B3GALNT2: variants seen among roughly 807,000 people sequenced by gnomAD.
B3GALNT2 encodes the protein beta-1,3-N-acetylgalactosaminyltransferase 2.
Under a neutral mutation model 61.1 loss-of-function variants are expected in B3GALNT2, and 53 were observed. That is an observed-to-expected ratio of 0.87 (90% CI 0.70 to 1.09). B3GALNT2 has a LOEUF of 1.09. B3GALNT2 is among the 50% of genes least tolerant of loss of function. The probability of loss-of-function intolerance (pLI) is 0.00; values close to 1 mark genes in which losing one functional copy is unlikely to be tolerated. For synonymous variants in B3GALNT2, 223 were observed against 237.4 expected, an observed-to-expected ratio of 0.94 and a Z score of 0.56; for missense variants, 544 against 623.0, an observed-to-expected ratio of 0.87 and a Z score of 1.35.
intron 6 of B3GALNT2, among the ~76,000 whole-genome samples, chr1:235,468,900 CT>C (rs1683854462): frequency 6.6e-6 from 1 of 152,060 alleles, no homozygotes; most frequent in Non-Finnish European, 1.5e-5. Context: ...TTTCATAAGA[CT>C]TAAAATGAAC....
At chr1:235,443,987 C>G (rs1019204633), downstream of B3GALNT2, among the ~76,000 whole-genome samples, 3 of 152,086 alleles carry the variant, frequency 2.0e-5, no homozygotes, top group African/African-American at 7.2e-5. Context: ...TAGCTAAATG[C>G]TAAAATATAA....
At chr1:235,488,509 C>T (rs1406356149) in intron 3 of B3GALNT2, among the ~76,000 whole-genome samples, 2 of 151,468 alleles carry the variant, frequency 1.3e-5, no homozygotes, top group South Asian at 2.1e-4. Context: ...CAGTGAAACC[C>T]CATCTCTACT....
chr1:235,498,493 T>C (rs141498323), intron 1 of B3GALNT2, among the ~76,000 whole-genome samples: 18 of 152,270 alleles, frequency 1.2e-4, no homozygotes, highest in African/African-American at 3.6e-4. Context: ...TCTTAAATGA[T>C]TGTAACTAAA....
intron 7 of B3GALNT2, among the ~76,000 whole-genome samples, chr1:235,461,517 T>TTG (rs1683432094): frequency 7.5e-6 from 1 of 134,060 alleles, no homozygotes; most frequent in Non-Finnish European, 1.6e-5. Context: ...GTTTTTTTTT[T>TTG]TTTTTTTTTT....
At position 235,499,556 on chromosome 1, in the gene B3GALNT2, C is replaced by T. The variant is rs142933602; in HGVS notation, c.112+4585G>A. The stretch of plus-strand genomic sequence containing the variant: ...TCCCAAGCAAGCTCCCTGAGGGCAA[C>T]GTAAGGGCCAAGGGAAAGTTTTCCC... On this transcript the variant is annotated intron_variant, in intron 1 of 11. Transcript: ENST00000366600. Among the ~76,000 whole-genome samples, 921 of 152,186 alleles carry T rather than the reference C, an allele frequency of 6.1e-3. 5 individuals carry two copies. Among genetic ancestry groups the T allele is most frequent in the Middle Eastern group, 0.027 (8 of 294 alleles).
chr1:235,478,347 G>C (rs1410798900), intron 5 of B3GALNT2, among the ~76,000 whole-genome samples: 1 of 152,112 alleles, frequency 6.6e-6, no homozygotes. Flanking sequence ...CACTGAGCCC[G>C]ACCTGAACCA....
rs1475443682 is a variant in B3GALNT2, at chr1:235,504,157, G to A, written c.96C>T (p.Ser32=). The change falls in exon 1 of 12, where the codon TCC becomes TCT. Residue 32 remains serine, a synonymous_variant. Coordinates refer to ENST00000366600, the MANE Select transcript of B3GALNT2 (RefSeq NM_152490.5). ...GGACCTCACCTGCAGGGCCGGCCCC[G>A]GAGGCGCAGGCGGGCGGCGGGGAGC... ...RLRSPPPACA[S]GAGPADQLAL... 2 of 1,207,724 alleles carry A rather than the reference G, an allele frequency of 1.7e-6. No homozygotes were observed. Among genetic ancestry groups the A allele is most frequent in the Non-Finnish European group, 2.1e-6 (2 of 972,612 alleles). 74.8% of individuals were successfully genotyped at this position (1,207,724 alleles called of 1,614,324 possible). A position where few individuals can be genotyped will look rare whatever the true frequency, so the allele number is the denominator to read the frequency against.
intron 4 of B3GALNT2, among the ~76,000 whole-genome samples, chr1:235,480,507 A>G (rs1306625843): frequency 6.6e-6 from 1 of 152,198 alleles, no homozygotes; most frequent in Non-Finnish European, 1.5e-5. Context: ...GGTTAAAACT[A>G]AACTGAAAGA....
intron 7 of B3GALNT2, chr1:235,465,427 G>A (rs919820737): frequency 3.0e-6 from 2 of 660,284 alleles, no homozygotes; most frequent in Admixed American, 3.4e-5. Context: ...AGGAGTAACT[G>A]CTAATGGGTG....
Position 235,453,119 on chromosome 1 carries a change from T to C in B3GALNT2, c.1339A>G (p.Met447Val). 1 of 1,613,274 alleles carries C rather than the reference T, an allele frequency of 6.2e-7. No homozygotes were observed. Residue 447 changes from methionine to valine, a missense_variant, in exon 11 of 12, where the codon ATG (methionine) becomes GTG (valine). Physicochemically the swap from Met to Val is conservative, Grantham distance 21. Transcript: ENST00000366600. ...QGEDVSMGIW[M>V]AAIGPKRYQD... ...TATCTTTTAGGTCCTATGGCAGCCATCCAGATGCCCATGCTTACATCTTCA... is the reference window on the plus strand; with the variant it reads ...TATCTTTTAGGTCCTATGGCAGCCACCCAGATGCCCATGCTTACATCTTCA...
downstream of B3GALNT2, among the ~76,000 whole-genome samples, chr1:235,445,259 C>G (rs138272422): frequency 1.1e-4 from 17 of 152,278 alleles, no homozygotes; most frequent in East Asian, 3.3e-3. Context: ...CTCACTCATA[C>G]AAAGGTTCTT....
Position 235,489,260 on chromosome 1 carries a change from A to T in B3GALNT2, c.269T>A (p.Val90Glu). 3.7e-6 allele frequency: 6 copies of T among 1,613,648 alleles called. No homozygotes were observed. Among genetic ancestry groups the T allele is most frequent in the Non-Finnish European group, 5.1e-6 (6 of 1,179,864 alleles). Residue 90 changes from valine (V) to glutamate (E), a missense_variant, in exon 3 of 12, where the codon GTG (valine) becomes GAG (glutamate). By Grantham distance (121) the Val-to-Glu change is moderately radical. Coordinates refer to ENST00000366600, the MANE Select transcript of B3GALNT2 (RefSeq NM_152490.5). ...QHPTLSQRVL[V>E]KFIIGAHGCE... ...GCCATGAGCACCTATTATGAACTTC[A>T]CAAGCACACTGAGAGATGTGTTGGC...
Position 235,450,289 on chromosome 1 carries a change from G to A in B3GALNT2, c.1420C>T (p.Pro474Ser). 2 of 1,613,862 alleles carry A rather than the reference G, an allele frequency of 1.2e-6. No homozygotes were observed. The highest frequency in any genetic ancestry group is 1.3e-5 in the African/African-American group (1 of 75,036). The change falls in exon 12 of 12, where the codon CCT becomes TCT. Residue 474 changes from proline to serine, a missense_variant. Transcript: ENST00000366600. ...KTCETGMLSS[P>S]QYSPWELTEL... ...GTCAGTTCCCACGGAGAATACTGAGGAGAAGACAGCATTCCTGTCTCACAG... is the reference window on the plus strand; with the variant it reads ...GTCAGTTCCCACGGAGAATACTGAGAAGAAGACAGCATTCCTGTCTCACAG...
At chr1:235,459,233 G>C (rs911244173) in intron 7 of B3GALNT2, among the ~76,000 whole-genome samples, 2 of 151,812 alleles carry the variant, frequency 1.3e-5, no homozygotes, top group African/African-American at 4.8e-5. Flanking sequence ...ATGTTAAAAG[G>C]ATTGGGATGA....
At chr1:235,476,256 A>G (rs1368607631) in intron 5 of B3GALNT2, among the ~76,000 whole-genome samples, 1 of 152,098 alleles carries the variant, frequency 6.6e-6, no homozygotes, top group Non-Finnish European at 1.5e-5. Context: ...CTAAAAATAC[A>G]AAAAATTAGC....
intron 7 of B3GALNT2, 95 bp from the exon 8 acceptor site, chr1:235,458,881 C>A: frequency 2.6e-6 from 3 of 1,149,298 alleles, no homozygotes; most frequent in South Asian, 2.1e-5. Context: ...CCCAAGGTAA[C>A]CCAGCAGAAA....
chr1:235,454,737 C>G (rs951999555), intron 9 of B3GALNT2, among the ~76,000 whole-genome samples: 1 of 152,084 alleles, frequency 6.6e-6, no homozygotes, highest in African/African-American at 2.4e-5. Flanking sequence ...ACTGCCCTTC[C>G]AGAAAAAAAT....
At chr1:235,481,641 G>A (rs1439144993) in intron 4 of B3GALNT2, among the ~76,000 whole-genome samples, 1 of 152,044 alleles carries the variant, frequency 6.6e-6, no homozygotes, top group Non-Finnish European at 1.5e-5. Flanking sequence ...ATTGCGCCTG[G>A]CTGATAGTTT....
chr1:235,458,026 C>A (rs972521020), intron 8 of B3GALNT2, among the ~76,000 whole-genome samples: 1 of 151,762 alleles, frequency 6.6e-6, no homozygotes, highest in African/African-American at 2.4e-5. Flanking sequence ...CATGCCTCAG[C>A]CCCCCTGAGT....
Sources: gnomAD v4.1 joint callset for allele counts (sites outside exome capture counted in the v4.1 genomes callset) on GRCh38, gnomAD v4.1.1 for gene constraint, MANE v1.5 for transcripts, NCBI Gene and HGNC (gene_info 2026-07-23, HGNC 2026-07-21) for gene names.